The following DNAI2 variants were observed in gnomAD, a reference collection of about 807,000 sequenced individuals.
DNAI2 encodes the protein dynein, axonemal, intermediate polypeptide 2.
In DNAI2, 63 loss-of-function variants were observed where a neutral mutation model predicts 74.7. That is an observed-to-expected ratio of 0.84 (90% CI 0.69 to 1.04). The LOEUF (loss-of-function observed/expected upper bound fraction) is 1.04, where lower values mean the gene tolerates loss of function less well. Ranked by LOEUF, DNAI2 falls within the 50% of genes least tolerant of loss-of-function variation. The pLI is 0.00. For synonymous variants in DNAI2, 289 were observed against 314.9 expected, an observed-to-expected ratio of 0.92 and a Z score of 0.87; for missense variants, 688 against 803.2, an observed-to-expected ratio of 0.86 and a Z score of 1.73.
At position 74,274,343 on chromosome 17, in the gene DNAI2, A is replaced by T. The variant is rs1042117603; in HGVS notation, c.-14A>T. Reference sequence around the variant, plus strand: ...ACCCAGAAGCAGAAGGAGCGGACCCAGGGTAAGGGGCGGGCGCCAGGAGGA... The same window carrying T: ...ACCCAGAAGCAGAAGGAGCGGACCCTGGGTAAGGGGCGGGCGCCAGGAGGA... On this transcript the variant is annotated splice_region_variant and 5_prime_UTR_variant, in exon 1 of 14. Transcript: ENST00000311014. 6.6e-6 allele frequency: 1 copy of T among 152,432 alleles called. No homozygotes were observed. Among genetic ancestry groups the T allele is most frequent in the African/African-American group, 2.4e-5 (1 of 41,442 alleles). The allele number at this position is 152,432 out of a possible 1,614,324, so 9.4% of individuals were successfully genotyped here. A position where few individuals can be genotyped will look rare whatever the true frequency, so the allele number is the denominator to read the frequency against.
intron 12 of DNAI2, 34 bp downstream of exon 12, chr17:74,312,264 G>GC (rs2053574643): frequency 7.9e-6 from 4 of 506,562 alleles, no homozygotes; most frequent in East Asian, 4.8e-5. Context: ...GTGGGTTGGG[G>GC]ACTGGGCGGG....
chr17:74,298,750 T>C (rs1448316644), intron 6 of DNAI2, among the ~76,000 whole-genome samples: 2 of 151,806 alleles, frequency 1.3e-5, no homozygotes, highest in African/African-American at 4.8e-5. Context: ...GCCTCCCGAG[T>C]AACAGCCTCC....
At chr17:74,283,834 C>A (rs1278306329) in intron 2 of DNAI2, among the ~76,000 whole-genome samples, 1 of 151,886 alleles carries the variant, frequency 6.6e-6, no homozygotes, top group Non-Finnish European at 1.5e-5. Flanking sequence ...ATCCCTTCAG[C>A]CTGAGAAGTC....
chr17:74,308,554 C>T (rs2053316807), intron 9 of DNAI2, among the ~76,000 whole-genome samples: 1 of 152,044 alleles, frequency 6.6e-6, no homozygotes, highest in Non-Finnish European at 1.5e-5. Context: ...CAGGGTCTCA[C>T]TACGTTGCCC....
At chr17:74,284,451 C>T (rs972111791) in intron 2 of DNAI2, among the ~76,000 whole-genome samples, 5 of 151,988 alleles carry the variant, frequency 3.3e-5, no homozygotes, top group Admixed American at 2.0e-4. Context: ...CTCGCTCTGT[C>T]GCCCAGGCTG....
chr17:74,302,122 A>AAG, intron 8 of DNAI2, among the ~76,000 whole-genome samples: 1 of 144,334 alleles, frequency 6.9e-6, no homozygotes, highest in Non-Finnish European at 1.5e-5. Flanking sequence ...AAGGAAGGAA[A>AAG]GAAAAAGAAG....
intron 12 of DNAI2, chr17:74,313,898 C>A (rs2144145337): frequency 1.7e-6 from 1 of 596,304 alleles, no homozygotes; most frequent in Non-Finnish European, 2.9e-6. Flanking sequence ...GTGGCAGAAG[C>A]CAGGCGTGAA....
chr17:74,309,318 C>T lies in DNAI2; in HGVS notation c.1277C>T (p.Thr426Ile), dbSNP rs1191507648. The change falls in exon 10 of 14, where the codon ACC (threonine) becomes ATC (isoleucine). Residue 426 changes from threonine (T) to isoleucine (I), a missense_variant. Coordinates refer to ENST00000311014, the MANE Select transcript of DNAI2 (RefSeq NM_023036.6). ...GTGAGGCCGACCGTTTTCTTTACCACCAGGATGGACGGAACCCTGGATATC... is the reference window on the plus strand; with the variant it reads ...GTGAGGCCGACCGTTTTCTTTACCATCAGGATGGACGGAACCCTGGATATC... ...SPVRPTVFFT[T>I]RMDGTLDIWD... The T allele has an allele frequency of 6.2e-7, 1 of 1,614,148 alleles. No individual in the cohort carries two copies. The highest frequency in any genetic ancestry group is 2.2e-5 in the East Asian group (1 of 44,878).
rs149918986 is a variant in DNAI2 at position 74,299,821 on chromosome 17, G to T, written c.828G>T (p.Thr276=). Reference sequence around the variant, plus strand: ...GCACCATCTGGCTGCAGTCGAAGACGGGCACCGAGTGCTTCTCAGCTTCCA... The same window carrying T: ...GCACCATCTGGCTGCAGTCGAAGACTGGCACCGAGTGCTTCTCAGCTTCCA... ...VYGTIWLQSK[T]GTECFSASTD... is the part of the protein sequence containing the mutation. Residue 276 remains threonine, a synonymous_variant, in exon 7 of 14, where the codon ACG becomes ACT. Coordinates refer to ENST00000311014, the MANE Select transcript of DNAI2 (RefSeq NM_023036.6). 6.2e-7 allele frequency: 1 copy of T among 1,613,248 alleles called. No homozygotes were observed. The highest frequency in any genetic ancestry group is 8.5e-7 in the Non-Finnish European group (1 of 1,179,994).
Position 74,314,215 on chromosome 17 carries a change from A to T in DNAI2, c.1817A>T (p.Ter606LeuextTer62). The change falls in exon 13 of 14, where the codon TAG becomes TTG. Residue 606 changes from the stop codon to leucine (L), a stop_lost. Transcript: ENST00000311014. ...GAAGAAGTGGAAGAAGACTTAGCCT[A>T]GAAGTCAGCCTTCGACTGCGGCGCT... is the stretch of plus-strand genomic sequence containing the variant. Reference protein sequence around the residue: ...GDEEVEEDLA* With the variant: ...GDEEVEEDLAL 2 of 1,614,158 alleles carry T rather than the reference A, an allele frequency of 1.2e-6. No homozygotes were observed. Among genetic ancestry groups the T allele is most frequent in the Non-Finnish European group, 1.7e-6 (2 of 1,179,960 alleles).
intron 6 of DNAI2, among the ~76,000 whole-genome samples, chr17:74,293,195 T>G (rs958057903): frequency 5.3e-5 from 8 of 152,216 alleles, no homozygotes; most frequent in African/African-American, 1.9e-4. Flanking sequence ...TCAAGACTTC[T>G]ATTTCCTTGT....
rs552276266 is a variant in DNAI2 at position 74,313,429 on chromosome 17, C to T, written c.1723-692C>T. Among the ~76,000 whole-genome samples, 5 of 152,272 alleles carry T rather than the reference C, an allele frequency of 3.3e-5. No individual in the cohort carries two copies. The East Asian group carries it at 9.7e-4, about 29-fold the overall frequency. On this transcript the variant is annotated intron_variant, in intron 12 of 13. Transcript: ENST00000311014. ...CTTCTGGTGGAGGCAAAACTAGAAT[C>T]CTGGATTCTGACGCCTAATCCAGGG...
intron 1 of DNAI2, among the ~76,000 whole-genome samples, chr17:74,279,351 CA>C (rs2051266400): frequency 6.6e-6 from 1 of 152,034 alleles, no homozygotes; most frequent in South Asian, 2.1e-4. Flanking sequence ...GTTTGTAACA[CA>C]AAGGATAAAT....
At chr17:74,297,226 C>T (rs1598306771) in intron 6 of DNAI2, among the ~76,000 whole-genome samples, 1 of 151,186 alleles carries the variant, frequency 6.6e-6, no homozygotes, top group East Asian at 2.0e-4. Flanking sequence ...GCTGGGACTA[C>T]AGGTGCCCGC....
chr17:74,281,882 A>G lies in DNAI2; in HGVS notation c.65A>G (p.Asp22Gly). The G allele has an allele frequency of 6.2e-7, 1 of 1,614,108 alleles. No homozygotes were observed. Among genetic ancestry groups the G allele is most frequent in the Non-Finnish European group, 8.5e-7 (1 of 1,180,030 alleles). ...SEFGKQCNFSDRQAELNIDIM... is the reference protein window; with the variant it reads ...SEFGKQCNFSGRQAELNIDIM... ...TTCGGGAAGCAGTGCAATTTCTCGG[A>G]CCGCCAGGCCGAGCTGAACATCGAC... Residue 22 changes from aspartate (D) to glycine (G), a missense_variant, in exon 2 of 14, where the codon GAC (aspartate) becomes GGC (glycine). Asp to Gly is a moderately conservative substitution (Grantham distance 94). Transcript: ENST00000311014.
At chr17:74,313,579 C>G (rs914165075) in intron 12 of DNAI2, among the ~76,000 whole-genome samples, 13 of 152,296 alleles carry the variant, frequency 8.5e-5, no homozygotes, top group African/African-American at 2.6e-4. Flanking sequence ...CCAAAACGTG[C>G]TCCTCACCAT....
rs1271610615 is a variant in DNAI2 at position 74,300,027 on chromosome 17, C to T, written c.864+170C>T. On this transcript the variant is annotated intron_variant, in intron 7 of 13. Coordinates refer to ENST00000311014, the MANE Select transcript of DNAI2 (RefSeq NM_023036.6). This position sits in a 1 kb window ranked among gnomAD's most constrained non-coding sequence, Gnocchi z 4.5. ...GCAATGGCACGATCTTGGTTCACTGCAACCTCTGCCTCCCGGGTTCAAGCA... is the reference window on the plus strand; with the variant it reads ...GCAATGGCACGATCTTGGTTCACTGTAACCTCTGCCTCCCGGGTTCAAGCA... Among the ~76,000 whole-genome samples the T allele has an allele frequency of 6.6e-6, 1 of 152,228 alleles. No individual in the cohort carries two copies. The highest frequency in any genetic ancestry group is 1.9e-4 in the East Asian group (1 of 5,202).
intron 6 of DNAI2, 22 bp downstream of exon 6, chr17:74,291,155 T>A: frequency 2.0e-6 from 3 of 1,510,638 alleles, no homozygotes; most frequent in Non-Finnish European, 2.7e-6. Context: ...CCTAGGCTTT[T>A]TTATTTTTAT....
intron 6 of DNAI2, among the ~76,000 whole-genome samples, chr17:74,293,524 T>C (rs1455415201): frequency 6.6e-6 from 1 of 151,772 alleles, no homozygotes; most frequent in Non-Finnish European, 1.5e-5. Context: ...ACTTTTAACC[T>C]GTTTGCCTCT....
Sources: gnomAD v4.1 joint callset for allele counts (sites outside exome capture counted in the v4.1 genomes callset) on GRCh38, gnomAD v4.1.1 for gene constraint, Gnocchi (gnomAD v3.1) non-coding constraint, MANE v1.5 for transcripts, NCBI Gene and HGNC (gene_info 2026-07-23, HGNC 2026-07-21) for gene names.